ARHGAP32: variants seen among roughly 807,000 people sequenced by gnomAD.
ARHGAP32 encodes the protein Rho GTPase activating protein 32.
ARHGAP32 carries 51 observed loss-of-function variants against 186.5 expected under a neutral mutation model. That is an observed-to-expected ratio of 0.27 (90% CI 0.22 to 0.35). The LOEUF (loss-of-function observed/expected upper bound fraction) is 0.35, where lower values mean the gene tolerates loss of function less well. ARHGAP32 is among the 10% of genes least tolerant of loss of function. ARHGAP32 has a pLI of 1.00. For synonymous variants in ARHGAP32, 950 were observed against 964.3 expected (o/e 0.99, Z 0.27); for missense variants, 2,186 against 2,623.5 (o/e 0.83, Z 3.64).
intron 1 of ARHGAP32, among the ~76,000 whole-genome samples, chr11:129,240,220 G>C (rs1944996522): frequency 6.6e-6 from 1 of 151,972 alleles, no homozygotes; most frequent in Non-Finnish European, 1.5e-5. Context: ...TCTTGGTAAA[G>C]TTATAGCAGT....
intron 1 of ARHGAP32, among the ~76,000 whole-genome samples, chr11:129,275,199 G>C (rs1274264513): frequency 6.6e-6 from 1 of 152,178 alleles, no homozygotes; most frequent in Admixed American, 6.5e-5. Context: ...CTATAATCTG[G>C]AGGTGATGGT....
intron 11 of ARHGAP32, among the ~76,000 whole-genome samples, chr11:129,002,805 A>ATTTTTTTTTT (rs36036048): frequency 5.6e-5 from 6 of 108,070 alleles, no homozygotes; most frequent in African/African-American, 1.1e-4. Context: ...AGGGATGTTG[A>ATTTTTTTTTT]TTTTTTTTTT....
Position 128,969,822 on chromosome 11 carries a change from G to C in ARHGAP32, c.5391C>G (p.Asp1797Glu), listed in dbSNP as rs1303485967. Residue 1797 changes from aspartate (D) to glutamate (E), a missense_variant, in exon 23 of 23, where the codon GAC (aspartate) becomes GAG (glutamate). Asp to Glu is a conservative substitution (Grantham distance 45, BLOSUM62 2). This residue lies in a region of ARHGAP32 where 1,502 missense variants were observed against 1,570.0 expected (regional missense o/e 0.96). Transcript: ENST00000682385. The surrounding 1 kb of genome is among the most constrained non-coding windows in gnomAD (Gnocchi z 4.8). ...GATGGATGACATAGATCCCACCCAAGTCGTCCTGCACCGCCGGGGTCATGT... is the reference window on the plus strand; with the variant it reads ...GATGGATGACATAGATCCCACCCAACTCGTCCTGCACCGCCGGGGTCATGT... ...YDNMTPAVQD[D>E]LGGIYVIHLR... The C allele has an allele frequency of 6.2e-7, 1 of 1,614,182 alleles. No individual in the cohort carries two copies. Among genetic ancestry groups the C allele is most frequent in the Non-Finnish European group, 8.5e-7 (1 of 1,180,040 alleles).
At chr11:129,146,800 T>C (rs900197569) in intron 2 of ARHGAP32, among the ~76,000 whole-genome samples, 1 of 152,054 alleles carries the variant, frequency 6.6e-6, no homozygotes, top group Non-Finnish European at 1.5e-5. Flanking sequence ...AAAAAACTAA[T>C]ATTCTGATGT....
chr11:129,276,495 C>T (rs929200045), intron 1 of ARHGAP32, among the ~76,000 whole-genome samples: 12 of 152,150 alleles, frequency 7.9e-5, no homozygotes, highest in African/African-American at 2.9e-4. Flanking sequence ...TCTGTAAAGA[C>T]TGGGCCTCTC....
At chr11:129,100,607 CGACCACCACTGTAGACGG>C (rs1565422291) in intron 5 of ARHGAP32, among the ~76,000 whole-genome samples, 3 of 152,140 alleles carry the variant, frequency 2.0e-5, no homozygotes, top group Non-Finnish European at 2.9e-5. Context: ...CTCCACCTGC[CGACCACCACTGTAGACGG>C]AGCCTTGGTG....
intron 6 of ARHGAP32, among the ~76,000 whole-genome samples, chr11:129,090,091 C>A (rs1167509623): frequency 6.6e-6 from 1 of 152,172 alleles, no homozygotes; most frequent in Non-Finnish European, 1.5e-5. Flanking sequence ...ATAAATGACA[C>A]CTACCTTTCA....
chr11:129,047,481 A>T (rs531394487), intron 10 of ARHGAP32, among the ~76,000 whole-genome samples: 1 of 152,000 alleles, frequency 6.6e-6, no homozygotes, highest in Non-Finnish European at 1.5e-5. Flanking sequence ...CCCAATATGG[A>T]CCCTGTGATT....
chr11:129,111,639 C>A (rs367713940), intron 5 of ARHGAP32, among the ~76,000 whole-genome samples: 1 of 152,128 alleles, frequency 6.6e-6, no homozygotes, highest in East Asian at 1.9e-4. Flanking sequence ...CTGCACGTGC[C>A]CAGAAATTTA....
At chr11:129,058,913 G>A (rs1328404347) in intron 10 of ARHGAP32, among the ~76,000 whole-genome samples, 3 of 152,186 alleles carry the variant, frequency 2.0e-5, no homozygotes, top group African/African-American at 7.2e-5. Flanking sequence ...AACAAAGGTA[G>A]GGGACATCAT....
chr11:129,065,036 C>A, intron 7 of ARHGAP32, 103 bp from the exon 8 acceptor site: 1 of 911,150 alleles, frequency 1.1e-6, no homozygotes, highest in Non-Finnish European at 1.7e-6. Context: ...GATCTTTAGG[C>A]ATTTTAATAG....
At chr11:129,229,648 T>C (rs1944832434) in intron 1 of ARHGAP32, among the ~76,000 whole-genome samples, 1 of 152,184 alleles carries the variant, frequency 6.6e-6, no homozygotes, top group Non-Finnish European at 1.5e-5. Context: ...GGAGAGGCTA[T>C]CGACTAGGCT....
chr11:129,120,653 A>T (rs964913184), intron 5 of ARHGAP32, among the ~76,000 whole-genome samples: 4 of 152,138 alleles, frequency 2.6e-5, no homozygotes, highest in Admixed American at 2.6e-4. Context: ...CTGGATTTTT[A>T]AAATGTAGAA....
intron 11 of ARHGAP32, among the ~76,000 whole-genome samples, chr11:129,019,748 T>C (rs1448530580): frequency 1.3e-5 from 2 of 152,130 alleles, no homozygotes; most frequent in African/African-American, 2.4e-5. Context: ...TATTTGAAGA[T>C]TTAAAAATAC....
chr11:129,101,111 C>G (rs1362792616), intron 5 of ARHGAP32, among the ~76,000 whole-genome samples: 1 of 152,098 alleles, frequency 6.6e-6, no homozygotes, highest in Non-Finnish European at 1.5e-5. Context: ...GAGCGCTGGT[C>G]CCCCCAAAAA....
intron 1 of ARHGAP32, among the ~76,000 whole-genome samples, chr11:129,187,830 T>C (rs1944193709): frequency 6.6e-6 from 1 of 152,212 alleles, no homozygotes; most frequent in South Asian, 2.1e-4. Context: ...TAATAGGTTA[T>C]TAAAGATGTG....
At chr11:129,096,752 T>C (rs1941739833) in intron 5 of ARHGAP32, among the ~76,000 whole-genome samples, 1 of 152,240 alleles carries the variant, frequency 6.6e-6, no homozygotes, top group Non-Finnish European at 1.5e-5. Context: ...CATGCTCCTC[T>C]GGCTAAAGTG....
intron 11 of ARHGAP32, among the ~76,000 whole-genome samples, chr11:129,000,973 T>C (rs1946343394): frequency 6.6e-6 from 1 of 152,228 alleles, no homozygotes; most frequent in South Asian, 2.1e-4. Context: ...TATTTTTTTA[T>C]GGCTGAATAC....
Position 128,980,605 on chromosome 11 carries a change from G to A in ARHGAP32, c.1924C>T (p.Pro642Ser). ...TGAAATTTCCCCTGAAGTGCAGCAG[G>A]TCCTTCTCCTACTTCGATATATTTA... ...ENKYIEVGEG[P>S]AALQGKFHTI... The change falls in exon 18 of 23, where the codon CCT (proline) becomes TCT (serine). Residue 642 changes from proline to serine, a missense_variant. Pro to Ser is a moderately conservative substitution (Grantham distance 74, BLOSUM62 -1). This residue lies in a region of ARHGAP32 where 263 missense variants were observed against 323.5 expected (regional missense o/e 0.81). Transcript: ENST00000682385. 6.2e-7 allele frequency: 1 copy of A among 1,613,828 alleles called. No individual in the cohort carries two copies. Among genetic ancestry groups the A allele is most frequent in the Non-Finnish European group, 8.5e-7 (1 of 1,179,856 alleles).
Sources: gnomAD v4.1 joint callset for allele counts (sites outside exome capture counted in the v4.1 genomes callset) on GRCh38, gnomAD v4.1.1 for gene constraint, gnomAD v4.1.1 regional missense constraint, Gnocchi (gnomAD v3.1) non-coding constraint, MANE v1.5 for transcripts, NCBI Gene and HGNC (gene_info 2026-07-23, HGNC 2026-07-21) for gene names.